ARHGEF3: variants seen among roughly 807,000 people sequenced by gnomAD.
The protein encoded by ARHGEF3 is 59.8 kDA protein.
In ARHGEF3, 28 loss-of-function variants were observed where a neutral mutation model predicts 63.2. That is an observed-to-expected ratio of 0.44 (90% CI 0.33 to 0.61). The LOEUF is 0.61. Ranked by LOEUF, ARHGEF3 falls within the 20% of genes least tolerant of loss-of-function variation. ARHGEF3 has a pLI of 0.03. For missense variants in ARHGEF3, 533 were observed against 659.3 expected (o/e 0.81, Z 2.10); for synonymous variants, 266 against 254.2 (o/e 1.05, Z -0.44).
chr3:56,922,580 C>T (rs1425717021), intron 3 of ARHGEF3, among the ~76,000 whole-genome samples: 1 of 152,138 alleles, frequency 6.6e-6, no homozygotes, highest in African/African-American at 2.4e-5. Flanking sequence ...GCTTGACACA[C>T]CGAATTTCCA....
At chr3:57,074,207 C>A (rs559373522) in intron 1 of ARHGEF3, 1 of 1,614,130 alleles carries the variant, frequency 6.2e-7, no homozygotes, top group Non-Finnish European at 8.5e-7. Context: ...TTACTGAGGG[C>A]TGCTTTGTCA....
At chr3:57,077,557 A>G (rs920798148) in intron 1 of ARHGEF3, among the ~76,000 whole-genome samples, 6 of 152,192 alleles carry the variant, frequency 3.9e-5, no homozygotes, top group Non-Finnish European at 7.3e-5. Flanking sequence ...AGACCAGGAA[A>G]ACTCTACAGA....
At chr3:56,994,467 T>A (rs1343554891) in intron 2 of ARHGEF3, among the ~76,000 whole-genome samples, 1 of 151,894 alleles carries the variant, frequency 6.6e-6, no homozygotes, top group Non-Finnish European at 1.5e-5. Flanking sequence ...GACTACTTTG[T>A]GGATAACATG....
At chr3:56,771,388 G>C (rs1254865580) in intron 2 of ARHGEF3, among the ~76,000 whole-genome samples, 1 of 152,214 alleles carries the variant, frequency 6.6e-6, no homozygotes, top group Non-Finnish European at 1.5e-5. Flanking sequence ...GATTTTGAAG[G>C]TATGGTAACA....
rs1704251285 is a variant in ARHGEF3 at position 57,042,677 on chromosome 3, TATATATATATATATATA to T, written c.-27-7518_-27-7502del. Among the ~76,000 whole-genome samples, 82 of 35,342 alleles carry T rather than the reference TATATATATATATATATA, an allele frequency of 2.3e-3. 3 individuals are homozygous for T. Among genetic ancestry groups the T allele is most frequent in the African/African-American group, 7.0e-3 (34 of 4,834 alleles). The allele number at this position is 35,342 out of a possible 152,430, so 23.2% of individuals were successfully genotyped here. On this transcript the variant is annotated intron_variant, in intron 1 of 12. Transcript: ENST00000338458. ...ATATATATATATATATATATATATA[TATATATATATATATATA>T]TATATATTTTTTTTTTTTTTTAGAC...
At chr3:56,739,691 T>C (rs2033884034) in intron 7 of ARHGEF3, among the ~76,000 whole-genome samples, 1 of 152,058 alleles carries the variant, frequency 6.6e-6, no homozygotes, top group Admixed American at 6.6e-5. Flanking sequence ...TGAGCCACTG[T>C]GTCTGGCCAA....
intron 3 of ARHGEF3, among the ~76,000 whole-genome samples, chr3:56,885,943 C>A (rs1375200306): frequency 2.6e-5 from 4 of 152,188 alleles, no homozygotes; most frequent in Non-Finnish European, 5.9e-5. Flanking sequence ...ATCACTAAGT[C>A]ACTTGTTCAT....
At chr3:56,998,776 G>A (rs76800519) in intron 2 of ARHGEF3, among the ~76,000 whole-genome samples, 1,898 of 152,232 alleles carry the variant, frequency 0.012, 41 homozygotes, top group African/African-American at 0.042. Context: ...GCCATTTCAG[G>A]ATCCAAAGGA....
At chr3:56,785,346 A>C (rs2036750659) in intron 1 of ARHGEF3, among the ~76,000 whole-genome samples, 1 of 152,126 alleles carries the variant, frequency 6.6e-6, no homozygotes, top group Non-Finnish European at 1.5e-5. Context: ...ATAAGGACCC[A>C]AGTCCTAATC....
intron 1 of ARHGEF3, among the ~76,000 whole-genome samples, chr3:57,044,089 C>G (rs529937212): frequency 1.4e-4 from 21 of 152,384 alleles, no homozygotes; most frequent in African/African-American, 5.0e-4. Context: ...CCCTGCCACA[C>G]TCCTCCTTCA....
At chr3:56,803,119 G>A (rs1389288944), upstream of ARHGEF3, among the ~76,000 whole-genome samples, 1 of 152,208 alleles carries the variant, frequency 6.6e-6, no homozygotes, top group African/African-American at 2.4e-5. Context: ...AGAATCCACA[G>A]CAAGCTTTTA....
chr3:57,054,505 G>A (rs2107316830), intron 1 of ARHGEF3, among the ~76,000 whole-genome samples: 1 of 151,472 alleles, frequency 6.6e-6, no homozygotes, highest in South Asian at 2.1e-4. Context: ...GGGCATGATG[G>A]TGCATGCCTG....
At chr3:57,068,269 C>T (rs528584967) in intron 1 of ARHGEF3, among the ~76,000 whole-genome samples, 4 of 152,246 alleles carry the variant, frequency 2.6e-5, no homozygotes, top group Admixed American at 2.6e-4. Context: ...CTCCACCACA[C>T]AATAAATGCT....
At chr3:56,866,167 AAC>A (rs2108207511) in intron 4 of ARHGEF3, among the ~76,000 whole-genome samples, 1 of 152,224 alleles carries the variant, frequency 6.6e-6, no homozygotes, top group South Asian at 2.1e-4. Flanking sequence ...CCTGTCTCAA[AAC>A]ACAAAACAAA....
At chr3:56,958,273 C>G (rs1179705842) in intron 3 of ARHGEF3, among the ~76,000 whole-genome samples, 1 of 151,972 alleles carries the variant, frequency 6.6e-6, no homozygotes, top group African/African-American at 2.4e-5. Flanking sequence ...CAGCCCAAGA[C>G]CCTCAGGGCA....
At chr3:56,905,835 C>T (rs1393953785) in intron 3 of ARHGEF3, among the ~76,000 whole-genome samples, 3 of 152,248 alleles carry the variant, frequency 2.0e-5, no homozygotes, top group Non-Finnish European at 4.4e-5. Context: ...CTGTCCAATA[C>T]GGGAGCCACT....
At chr3:56,887,916 A>G (rs1420547198) in intron 3 of ARHGEF3, among the ~76,000 whole-genome samples, 5 of 152,220 alleles carry the variant, frequency 3.3e-5, no homozygotes, top group Admixed American at 6.5e-5. Flanking sequence ...GAATGAATAA[A>G]GGAGGCCAGT....
chr3:56,973,137 C>A (rs952259071), intron 2 of ARHGEF3, among the ~76,000 whole-genome samples: 1 of 151,992 alleles, frequency 6.6e-6, no homozygotes, highest in African/African-American at 2.4e-5. Context: ...CTGCCTCAGC[C>A]TCCCGAGTAG....
intron 2 of ARHGEF3, among the ~76,000 whole-genome samples, chr3:56,760,357 T>C (rs2035349179): frequency 6.6e-6 from 1 of 152,172 alleles, no homozygotes; most frequent in Non-Finnish European, 1.5e-5. Context: ...AGATTGAGCA[T>C]ATTTTAATTA....
Sources: gnomAD v4.1 joint callset for allele counts (sites outside exome capture counted in the v4.1 genomes callset) on GRCh38, gnomAD v4.1.1 for gene constraint, MANE v1.5 for transcripts, NCBI Gene and HGNC (gene_info 2026-07-23, HGNC 2026-07-21) for gene names.